The following GPBP1 variants were observed in gnomAD, a reference collection of about 807,000 sequenced individuals.
GPBP1 encodes the protein GC-rich promoter binding protein 1, also known as vasculin.
GPBP1 carries 13 observed loss-of-function variants against 56.5 expected under a neutral mutation model. The ratio of observed to expected loss-of-function variants is 0.23; its 90% CI spans 0.15 to 0.37. The LOEUF (loss-of-function observed/expected upper bound fraction) is 0.37, where lower values mean the gene tolerates loss of function less well. GPBP1 is among the 10% of genes least tolerant of loss of function. GPBP1 has a pLI of 1.00. For synonymous variants in GPBP1, 204 were observed against 188.9 expected, an observed-to-expected ratio of 1.08 and a Z score of -0.66; for missense variants, 477 against 572.3, an observed-to-expected ratio of 0.83 and a Z score of 1.70.
At chr5:57,214,566 CAA>C (rs1454683224) in intron 3 of GPBP1, among the ~76,000 whole-genome samples, 1 of 152,158 alleles carries the variant, frequency 6.6e-6, no homozygotes, top group Non-Finnish European at 1.5e-5. Flanking sequence ...GCCTGGGCAA[CAA>C]GAGCGAAACT....
intron 2 of GPBP1, among the ~76,000 whole-genome samples, chr5:57,183,765 A>ATTTTTTTTTTTTTTTTTTTTTT (rs34608817): frequency 6.8e-5 from 9 of 133,284 alleles, no homozygotes; most frequent in Non-Finnish European, 9.4e-5. Context: ...GGGGATATGA[A>ATTTTTTTTTTTTTTTTTTTTTT]TTTTTTTTTT....
At chr5:57,225,491 C>CAAAAAA (rs554699501) in intron 3 of GPBP1, among the ~76,000 whole-genome samples, 3 of 38,116 alleles carry the variant, frequency 7.9e-5, no homozygotes, top group African/African-American at 9.4e-5. Flanking sequence ...GATTCCTTCT[C>CAAAAAA]AAAAAAAAAA....
rs1335468218 is a variant in GPBP1, at chr5:57,244,619, A to AT, written c.479-1673dup. ...CTCTCACATTTTATTAATGTCAAGAATTTTTTTTATACTTCATCCATGCCA... is the reference window on the plus strand; with the variant it reads ...CTCTCACATTTTATTAATGTCAAGAATTTTTTTTTATACTTCATCCATGCCA... On this transcript the variant is annotated intron_variant, in intron 6 of 11. Coordinates refer to ENST00000506184, the MANE Select transcript of GPBP1 (RefSeq NM_022913.4). 2.0e-5 allele frequency among the ~76,000 whole-genome samples: 3 copies of AT among 151,822 alleles called. No homozygotes were observed. In the East Asian group the frequency reaches 5.8e-4, roughly 29 times the overall value.
chr5:57,179,599 T>C (rs1753951477), intron 2 of GPBP1, among the ~76,000 whole-genome samples: 1 of 152,152 alleles, frequency 6.6e-6, no homozygotes, highest in Non-Finnish European at 1.5e-5. Context: ...TTTTTGTTGT[T>C]TTTTTGGGTT....
intron 3 of GPBP1, among the ~76,000 whole-genome samples, chr5:57,223,775 A>G (rs1240803070): frequency 6.7e-6 from 1 of 149,234 alleles, no homozygotes; most frequent in African/African-American, 2.4e-5. Context: ...TATATATTTT[A>G]AAATTATATA....
At chr5:57,202,549 A>G (rs1173040569) in intron 2 of GPBP1, among the ~76,000 whole-genome samples, 1 of 152,202 alleles carries the variant, frequency 6.6e-6, no homozygotes, top group African/African-American at 2.4e-5. Flanking sequence ...TCAGCCTCCA[A>G]AAGTGCTAGG....
chr5:57,214,106 A>C lies in GPBP1; in HGVS notation c.-25A>C. On this transcript the variant is annotated 5_prime_UTR_variant, in exon 3 of 12. Coordinates refer to ENST00000506184, the MANE Select transcript of GPBP1 (RefSeq NM_022913.4). The stretch of plus-strand genomic sequence containing the variant: ...CCATGAGGTGTTGAAGCCTTGTTTC[A>C]CTGAGTTGGAGAGACTGGACCTAAA... 6.2e-7 allele frequency: 1 copy of C among 1,608,688 alleles called. No homozygotes were observed. The highest frequency in any genetic ancestry group is 8.5e-7 in the Non-Finnish European group (1 of 1,175,146).
chr5:57,222,283 C>T (rs906852659), intron 3 of GPBP1, among the ~76,000 whole-genome samples: 1 of 152,050 alleles, frequency 6.6e-6, no homozygotes, highest in Non-Finnish European at 1.5e-5. Flanking sequence ...CTCTTATCTC[C>T]CCCTGCCCCA....
At chr5:57,227,626 C>T (rs1756255010) in intron 3 of GPBP1, among the ~76,000 whole-genome samples, 1 of 152,210 alleles carries the variant, frequency 6.6e-6, no homozygotes, top group East Asian at 1.9e-4. Flanking sequence ...GGTTGATTTG[C>T]CAAACTCAGT....
At chr5:57,178,072 A>G (rs1277488586) in intron 2 of GPBP1, among the ~76,000 whole-genome samples, 3 of 152,110 alleles carry the variant, frequency 2.0e-5, no homozygotes, top group Admixed American at 6.6e-5. Flanking sequence ...ACCTTGATTT[A>G]TAAAATCGGT....
At chr5:57,251,200 T>G (rs531478858) in intron 10 of GPBP1, 59 bp downstream of exon 10, 5 of 1,397,350 alleles carry the variant, frequency 3.6e-6, no homozygotes, top group Middle Eastern at 1.8e-4. Context: ...TTCAATATTA[T>G]AGAGTTTTTA....
chr5:57,200,078 C>T (rs1446153869), intron 2 of GPBP1, among the ~76,000 whole-genome samples: 1 of 118,088 alleles, frequency 8.5e-6, no homozygotes, highest in Admixed American at 1.1e-4. Context: ...TGTCTGTGGC[C>T]CATTCTTAAA....
intron 3 of GPBP1, among the ~76,000 whole-genome samples, chr5:57,215,442 A>G (rs1418997085): frequency 2.0e-5 from 3 of 152,216 alleles, no homozygotes; most frequent in African/African-American, 7.2e-5. Context: ...GTTAGGCTCC[A>G]TTAATTCCCA....
At chr5:57,207,563 C>T (rs1373864413) in intron 2 of GPBP1, among the ~76,000 whole-genome samples, 4 of 152,160 alleles carry the variant, frequency 2.6e-5, no homozygotes, top group Non-Finnish European at 4.4e-5. Flanking sequence ...GTCTAGCCAT[C>T]CATAGGCGGC....
chr5:57,188,577 A>G (rs1044861151), intron 2 of GPBP1, among the ~76,000 whole-genome samples: 4 of 152,004 alleles, frequency 2.6e-5, no homozygotes, highest in Admixed American at 2.0e-4. Flanking sequence ...TCTACTTAAA[A>G]AAAAAAAATG....
chr5:57,263,638 C>G lies in GPBP1; in HGVS notation c.*886C>G, dbSNP rs1040585887. The G allele has an allele frequency of 2.0e-5, 3 of 152,132 alleles. No individual in the cohort carries two copies. The highest frequency in any genetic ancestry group is 2.9e-5 in the Non-Finnish European group (2 of 68,010). 9.4% of individuals were successfully genotyped at this position (152,132 alleles called of 1,614,324 possible). On this transcript the variant is annotated 3_prime_UTR_variant, in exon 12 of 12. Coordinates refer to ENST00000506184, the MANE Select transcript of GPBP1 (RefSeq NM_022913.4). ...TATTGTTTCTAAACATAAACATACT[C>G]TAAACATGCTTTATTCACTTGTTAA...
At chr5:57,177,844 A>G (rs779263433) in intron 2 of GPBP1, among the ~76,000 whole-genome samples, 3 of 151,876 alleles carry the variant, frequency 2.0e-5, no homozygotes, top group Non-Finnish European at 2.9e-5. Flanking sequence ...GCCTAACATC[A>G]TAACTTGTCA....
chr5:57,241,371 C>A, intron 6 of GPBP1, among the ~76,000 whole-genome samples: 1 of 152,302 alleles, frequency 6.6e-6, no homozygotes, highest in South Asian at 2.1e-4. Flanking sequence ...CTAATTCTTA[C>A]ATTCATAGGT....
chr5:57,192,005 T>G (rs1468089371), intron 2 of GPBP1, among the ~76,000 whole-genome samples: 2 of 152,252 alleles, frequency 1.3e-5, no homozygotes, highest in African/African-American at 4.8e-5. Flanking sequence ...CTTTAATTAT[T>G]TTTGGTGTTA....
Sources: gnomAD v4.1 joint callset for allele counts (sites outside exome capture counted in the v4.1 genomes callset) on GRCh38, gnomAD v4.1.1 for gene constraint, MANE v1.5 for transcripts, NCBI Gene and HGNC (gene_info 2026-07-23, HGNC 2026-07-21) for gene names.